Variants in ALMS1 observed in about 807,000 individuals in gnomAD.
The protein encoded by ALMS1 is ALMS1 centrosome and basal body associated protein.
A neutral mutation model predicts 352.2 loss-of-function variants in ALMS1; 271 were observed. That is an observed-to-expected ratio of 0.77 (90% CI 0.70 to 0.85). The LOEUF (loss-of-function observed/expected upper bound fraction) is 0.85, where lower values mean the gene tolerates loss of function less well. Among genes scored for constraint, ALMS1 ranks in the 40% least tolerant of loss-of-function variants. The pLI is 0.00. For missense variants in ALMS1, 5,445 were observed against 4,870.7 expected, an observed-to-expected ratio of 1.12 and a Z score of -3.51; for synonymous variants, 1,865 against 1,761.2, an observed-to-expected ratio of 1.06 and a Z score of -1.48.
intron 10 of ALMS1, among the ~76,000 whole-genome samples, chr2:73,509,859 A>G (rs1206472011): frequency 6.6e-6 from 1 of 152,218 alleles, no homozygotes; most frequent in Non-Finnish European, 1.5e-5. Context: ...AGTGTTTTCC[A>G]ACTTGGTTCC....
chr2:73,534,217 A>C (rs1051079469), intron 11 of ALMS1, among the ~76,000 whole-genome samples: 21 of 152,194 alleles, frequency 1.4e-4, no homozygotes, highest in Non-Finnish European at 4.4e-5. Flanking sequence ...AAATGTTAAC[A>C]ATAATTATCC....
chr2:73,479,445 C>G (rs924875794), intron 9 of ALMS1, among the ~76,000 whole-genome samples: 1 of 152,192 alleles, frequency 6.6e-6, no homozygotes, highest in Admixed American at 6.5e-5. Context: ...TTTGTAATTT[C>G]AAGAATGTCA....
intron 1 of ALMS1, among the ~76,000 whole-genome samples, chr2:73,403,963 G>A (rs757376272): frequency 3.9e-5 from 6 of 152,044 alleles, no homozygotes; most frequent in Non-Finnish European, 7.4e-5. Context: ...GCAGTGGCTC[G>A]ATCCCTGCTC....
chr2:73,544,913 G>A (rs911466152), intron 12 of ALMS1, among the ~76,000 whole-genome samples: 5 of 152,150 alleles, frequency 3.3e-5, no homozygotes, highest in African/African-American at 4.8e-5. Flanking sequence ...CAACATGGAT[G>A]AACTCTGAAG....
rs763359881 is a variant in ALMS1, at chr2:73,559,098, A to G, written c.10340A>G (p.Glu3447Gly). Residue 3447 changes from glutamate (E) to glycine (G), a missense_variant, in exon 15 of 23, where the codon GAA becomes GGA. Physicochemically the swap from Glu to Gly is moderately conservative, Grantham distance 98. Coordinates refer to ENST00000613296, the MANE Select transcript of ALMS1 (RefSeq NM_001378454.1). Reference protein sequence around the residue: ...EIHRKKTVPEEAWPNNKESLQ... With the variant: ...EIHRKKTVPEGAWPNNKESLQ... The stretch of plus-strand genomic sequence containing the variant: ...CATAGGAAGAAGACAGTTCCCGAGG[A>G]AGCCTGGCCAAACAATAAAGAATCC... 4 of 1,614,014 alleles carry G rather than the reference A, an allele frequency of 2.5e-6. No homozygotes were observed. Among genetic ancestry groups the G allele is most frequent in the Non-Finnish European group, 2.5e-6 (3 of 1,179,946 alleles).
At chr2:73,489,047 A>T (rs921718770) in intron 9 of ALMS1, among the ~76,000 whole-genome samples, 1 of 152,228 alleles carries the variant, frequency 6.6e-6, no homozygotes, top group Non-Finnish European at 1.5e-5. Context: ...CAGGGACCCA[A>T]GCTGGCTGGA....
In ALMS1 at chr2:73,450,043, A is replaced by G. The variant is rs2103779222; in HGVS notation, c.3516A>G (p.Ser1172=). The G allele has an allele frequency of 6.2e-7, 1 of 1,614,006 alleles. No individual in the cohort carries two copies. Among genetic ancestry groups the G allele is most frequent in the Non-Finnish European group, 8.5e-7 (1 of 1,179,948 alleles). ...THIPEEAQKV[S]AVTGPGNQKT... ...TACCTGAAGAGGCTCAGAAAGTTTC[A>G]GCTGTTACTGGACCAGGTAACCAGA... The change falls in exon 8 of 23, where the codon TCA becomes TCG. Residue 1172 remains serine, a synonymous_variant. Coordinates refer to ENST00000613296, the MANE Select transcript of ALMS1 (RefSeq NM_001378454.1).
chr2:73,386,227 C>T, intron 1 of ALMS1, 35 bp downstream of exon 1: 1 of 1,481,512 alleles, frequency 6.7e-7, no homozygotes, highest in South Asian at 1.3e-5. Context: ...GGAGCCGCGG[C>T]GAGTTGGGGG....
chr2:73,507,210 T>C (rs1673345667), intron 10 of ALMS1, among the ~76,000 whole-genome samples: 1 of 152,224 alleles, frequency 6.6e-6, no homozygotes, highest in South Asian at 2.1e-4. Flanking sequence ...TTTGCATCGA[T>C]GTTTATCAGG....
intron 11 of ALMS1, among the ~76,000 whole-genome samples, chr2:73,529,159 T>C (rs1673856417): frequency 6.7e-6 from 1 of 148,940 alleles, no homozygotes; most frequent in Admixed American, 6.8e-5. Flanking sequence ...TTCTCCTGCC[T>C]CACCCTCCCG....
intron 9 of ALMS1, among the ~76,000 whole-genome samples, chr2:73,466,094 G>T (rs1672336686): frequency 6.6e-6 from 1 of 152,142 alleles, no homozygotes; most frequent in Non-Finnish European, 1.5e-5. Flanking sequence ...CAGGGATCTA[G>T]AACTGGAAAT....
intron 9 of ALMS1, among the ~76,000 whole-genome samples, chr2:73,465,247 G>A (rs1389170930): frequency 6.6e-6 from 1 of 151,896 alleles, no homozygotes; most frequent in Non-Finnish European, 1.5e-5. Flanking sequence ...ATACTACAAG[G>A]CTACAGTAAC....
chr2:73,502,202 A>T (rs1673232928), intron 10 of ALMS1, among the ~76,000 whole-genome samples: 1 of 152,096 alleles, frequency 6.6e-6, no homozygotes, highest in Non-Finnish European at 1.5e-5. Flanking sequence ...TAGAGAATTT[A>T]TACAAGGCAA....
chr2:73,439,320 G>A (rs1671669822), intron 7 of ALMS1, among the ~76,000 whole-genome samples: 1 of 150,222 alleles, frequency 6.7e-6, no homozygotes, highest in Non-Finnish European at 1.5e-5. Context: ...TTGCTATGTT[G>A]CCTAGGCTGG....
chr2:73,527,705 C>CA (rs1673821757), intron 11 of ALMS1, among the ~76,000 whole-genome samples: 1 of 152,024 alleles, frequency 6.6e-6, no homozygotes, highest in Non-Finnish European at 1.5e-5. Context: ...TTTCAACAAA[C>CA]AAACTTTTTG....
intron 9 of ALMS1, among the ~76,000 whole-genome samples, chr2:73,480,846 ATG>A (rs1427763394): frequency 6.6e-6 from 1 of 151,156 alleles, no homozygotes; most frequent in East Asian, 1.9e-4. Context: ...GCATTTTTTC[ATG>A]TGTTTTTTGT....
Position 73,573,388 on chromosome 2 carries a change from A to C in ALMS1, c.11511A>C (p.Leu3837=), listed in dbSNP as rs374164508. ...SKKVLNTGHP[L]VTSEHTRRRH... ...AAGTGCTGAATACAGGTCATCCCCT[A>C]GTGACTTCTGAGCACACCAGAAGGA... is the stretch of plus-strand genomic sequence containing the variant. Residue 3837 remains leucine (L), a synonymous_variant, in exon 16 of 23, where the codon CTA becomes CTC. Coordinates refer to ENST00000613296, the MANE Select transcript of ALMS1 (RefSeq NM_001378454.1). 4.3e-6 allele frequency: 7 copies of C among 1,613,976 alleles called. No individual in the cohort carries two copies. Among genetic ancestry groups the C allele is most frequent in the South Asian group, 2.2e-5 (2 of 91,090 alleles).
intron 10 of ALMS1, among the ~76,000 whole-genome samples, chr2:73,508,338 G>A (rs1488616532): frequency 6.6e-6 from 1 of 151,478 alleles, no homozygotes; most frequent in Admixed American, 6.6e-5. Context: ...AAGTAGCTGG[G>A]ACTACAGGTG....
intron 11 of ALMS1, 35 bp downstream of exon 11, chr2:73,520,051 C>T: frequency 6.2e-7 from 1 of 1,613,536 alleles, no homozygotes; most frequent in African/African-American, 1.3e-5. Context: ...GATTGTTAGA[C>T]CAGCTCTTTT....
Sources: allele counts gnomAD v4.1 joint callset (sites outside exome capture counted in the v4.1 genomes callset), GRCh38; gene constraint gnomAD v4.1.1; transcripts MANE v1.5; gene names NCBI Gene and HGNC (gene_info 2026-07-23, HGNC 2026-07-21).